TSC22D1: variants seen among roughly 807,000 people sequenced by gnomAD.
The protein encoded by TSC22D1 is TSC22 domain family member 1.
A neutral mutation model predicts 74.2 loss-of-function variants in TSC22D1; 9 were observed. That is an observed-to-expected ratio of 0.12 (90% CI 0.07 to 0.21). The LOEUF (loss-of-function observed/expected upper bound fraction) is 0.21. Ranked by LOEUF, TSC22D1 falls within the 10% of genes least tolerant of loss-of-function variation. TSC22D1 has a pLI of 1.00. For synonymous variants in TSC22D1, 586 were observed against 492.5 expected, an observed-to-expected ratio of 1.19 and a Z score of -2.51; for missense variants, 1,427 against 1,304.7, an observed-to-expected ratio of 1.09 and a Z score of -1.44.
intron 1 of TSC22D1, among the ~76,000 whole-genome samples, chr13:44,556,617 G>C (rs934835631): frequency 7.9e-5 from 12 of 151,812 alleles, no homozygotes; most frequent in African/African-American, 2.7e-4. Context: ...TGTAATCCCA[G>C]CATTTTGGGA....
Position 44,575,783 on chromosome 13 carries a change from G to T in TSC22D1, c.292C>A (p.Leu98Ile), listed in dbSNP as rs759525399. 3 of 1,612,684 alleles carry T rather than the reference G, an allele frequency of 1.9e-6. No homozygotes were observed. Among genetic ancestry groups the T allele is most frequent in the Non-Finnish European group, 2.5e-6 (3 of 1,179,620 alleles). Residue 98 changes from leucine (L) to isoleucine (I), a missense_variant, in exon 1 of 3, where the codon CTT (leucine) becomes ATT (isoleucine). Physicochemically the swap from Leu to Ile is conservative, Grantham distance 5 (BLOSUM62 2). Transcript: ENST00000458659. ...TTCATTTGAGTTCCGCCTGGCGCAA[G>T]AGGCTGTGCCTGCAGCTGAGCCTGC... ...LSQAQLQAQP[L>I]APGGTQMKKK...
intron 1 of TSC22D1, 97 bp downstream of exon 1, chr13:44,573,065 TA>T: frequency 6.8e-7 from 1 of 1,461,092 alleles, no homozygotes; most frequent in Non-Finnish European, 9.1e-7. Flanking sequence ...CAAAACACAA[TA>T]TACAATGTTT....
At chr13:44,530,470 GA>G (rs1880774736) in intron 1 of TSC22D1, among the ~76,000 whole-genome samples, 2 of 151,526 alleles carry the variant, frequency 1.3e-5, no homozygotes, top group Admixed American at 1.3e-4. Context: ...TAAAACAGGG[GA>G]AAATCTAGGT....
chr13:44,476,871 T>C (rs1877942314), intron 1 of TSC22D1, among the ~76,000 whole-genome samples: 1 of 152,082 alleles, frequency 6.6e-6, no homozygotes, highest in African/African-American at 2.4e-5. Context: ...TCTTGATATG[T>C]TGCCCAGGCT....
chr13:44,451,250 A>G (rs1414029904), intron 1 of TSC22D1, among the ~76,000 whole-genome samples: 1 of 152,202 alleles, frequency 6.6e-6, no homozygotes, highest in Non-Finnish European at 1.5e-5. Context: ...CCGTGACAGA[A>G]GCGGGACACT....
intron 1 of TSC22D1, among the ~76,000 whole-genome samples, chr13:44,508,120 A>T (rs1879521398): frequency 6.6e-6 from 1 of 152,202 alleles, no homozygotes; most frequent in Non-Finnish European, 1.5e-5. Context: ...GCTAGGAGAA[A>T]CTGACAAGTG....
chr13:44,436,612 C>T, intron 1 of TSC22D1: 2 of 1,609,460 alleles, frequency 1.2e-6, no homozygotes, highest in Non-Finnish European at 1.7e-6. Context: ...CACTGGTCTA[C>T]ACCATTGGGA....
At chr13:44,486,520 A>G (rs1175808928) in intron 1 of TSC22D1, among the ~76,000 whole-genome samples, 1 of 152,206 alleles carries the variant, frequency 6.6e-6, no homozygotes, top group Non-Finnish European at 1.5e-5. Flanking sequence ...GGAAGTATCA[A>G]ATAATCTCTA....
chr13:44,522,985 C>T (rs967937807), intron 1 of TSC22D1, among the ~76,000 whole-genome samples: 16 of 150,358 alleles, frequency 1.1e-4, no homozygotes, highest in African/African-American at 3.9e-4. Context: ...AAGAAAAAAT[C>T]TTAAAAAAGA....
intron 1 of TSC22D1, among the ~76,000 whole-genome samples, chr13:44,558,138 T>C (rs993593712): frequency 1.3e-5 from 2 of 152,210 alleles, no homozygotes; most frequent in African/African-American, 4.8e-5. Context: ...CTGCTTTTTA[T>C]AGTTGTCAGC....
chr13:44,517,306 C>A (rs1880037711), intron 1 of TSC22D1, among the ~76,000 whole-genome samples: 2 of 150,152 alleles, frequency 1.3e-5, no homozygotes. Context: ...GCAATAGTAA[C>A]CATCGTTACC....
chr13:44,576,468 C>A (rs1317170194), upstream of TSC22D1: 1 of 170,926 alleles, frequency 5.9e-6, no homozygotes, highest in Non-Finnish European at 1.2e-5. Flanking sequence ...GCCTCAGCCC[C>A]CTCCTCCCGC....
chr13:44,513,882 A>T (rs1213704511), intron 1 of TSC22D1, among the ~76,000 whole-genome samples: 1 of 152,216 alleles, frequency 6.6e-6, no homozygotes, highest in Non-Finnish European at 1.5e-5. Flanking sequence ...TCAGACACCA[A>T]TTAAAAACAG....
chr13:44,525,349 A>G (rs1049493157), intron 1 of TSC22D1, among the ~76,000 whole-genome samples: 3 of 152,176 alleles, frequency 2.0e-5, no homozygotes, highest in African/African-American at 7.2e-5. Flanking sequence ...CACTTTGGGA[A>G]ACCGAGGCAG....
At chr13:44,523,693 G>T (rs1256280757) in intron 1 of TSC22D1, among the ~76,000 whole-genome samples, 2 of 152,134 alleles carry the variant, frequency 1.3e-5, no homozygotes, top group Non-Finnish European at 2.9e-5. Flanking sequence ...ATTCACAGTG[G>T]TATCAGAAGC....
At position 44,537,162 on chromosome 13, in the gene TSC22D1, CAATT is replaced by C. The variant is rs1162565216; in HGVS notation, c.2912+35997_2912+36000del. On this transcript the variant is annotated intron_variant, in intron 1 of 2. Transcript: ENST00000458659. ...ATTATCACATAATACAGATATTACA[CAATT>C]AGTCATTCTAGAAAAAAATAGTTTA... 1.9e-5 allele frequency: 17 copies of C among 878,648 alleles called. No individual in the cohort carries two copies. In the African/African-American group the frequency reaches 2.0e-4, roughly 10 times the overall value. 54.4% of individuals were successfully genotyped at this position (878,648 alleles called of 1,614,324 possible). A position where few individuals can be genotyped will look rare whatever the true frequency, so the allele number is the denominator to read the frequency against.
At chr13:44,554,143 T>C (rs1882467785) in intron 1 of TSC22D1, among the ~76,000 whole-genome samples, 1 of 152,222 alleles carries the variant, frequency 6.6e-6, no homozygotes, top group South Asian at 2.1e-4. Flanking sequence ...CTGAGCCAGG[T>C]GCATTATATG....
In TSC22D1 at chr13:44,505,789, T is replaced by G. The variant is rs376126050; in HGVS notation, c.2912+67374A>C. Among the ~76,000 whole-genome samples the G allele has an allele frequency of 9.1e-4, 139 of 152,320 alleles. 2 individuals are homozygous for G. The highest frequency in any genetic ancestry group is 3.3e-3 in the African/African-American group (136 of 41,586). On this transcript the variant is annotated intron_variant, in intron 1 of 2. Transcript: ENST00000458659. ...GCTTACTATGTATAAGGCACCATGC[T>G]ACATTCTGTGAGGGCATCCAAAGAA... is the stretch of plus-strand genomic sequence containing the variant.
chr13:44,537,294 A>G (rs1881206725), intron 1 of TSC22D1: 1 of 975,568 alleles, frequency 1.0e-6, no homozygotes, highest in South Asian at 4.7e-5. Flanking sequence ...TTAAATAAAC[A>G]AATCAGTTCA....
Sources: gnomAD v4.1 joint callset for allele counts (sites outside exome capture counted in the v4.1 genomes callset) on GRCh38, gnomAD v4.1.1 for gene constraint, MANE v1.5 for transcripts, NCBI Gene and HGNC (gene_info 2026-07-23, HGNC 2026-07-21) for gene names.